Variants in RASSF8 observed in about 807,000 individuals in gnomAD.
The protein encoded by RASSF8 is ras association domain-containing protein 8.
A neutral mutation model predicts 48.5 loss-of-function variants in RASSF8; 22 were observed. That is an observed-to-expected ratio of 0.45 (90% CI 0.32 to 0.65). The LOEUF (loss-of-function observed/expected upper bound fraction) is 0.65. Ranked by LOEUF, RASSF8 falls within the 30% of genes least tolerant of loss-of-function variation. The pLI is 0.03. For missense variants in RASSF8, 418 were observed against 489.2 expected (o/e 0.85, Z 1.37); for synonymous variants, 127 against 171.5 (o/e 0.74, Z 2.03).
intron 2 of RASSF8, among the ~76,000 whole-genome samples, chr12:26,002,160 C>G (rs7960541): frequency 0.053 from 8,043 of 152,320 alleles, 262 homozygotes; most frequent in Middle Eastern, 0.095. Flanking sequence ...TGGTTGGGCA[C>G]AGTGGCTTAT....
chr12:25,974,069 C>T (rs897948212), intron 1 of RASSF8, among the ~76,000 whole-genome samples: 1 of 151,804 alleles, frequency 6.6e-6, no homozygotes, highest in Admixed American at 6.6e-5. Flanking sequence ...CAAGTGTTGG[C>T]TAAGGTCTCA....
intron 2 of RASSF8, among the ~76,000 whole-genome samples, chr12:26,019,559 T>A (rs966265695): frequency 7.1e-6 from 1 of 141,638 alleles, no homozygotes; most frequent in African/African-American, 2.7e-5. Flanking sequence ...AGTTCGGGCA[T>A]ACACTGTGTG....
intron 1 of RASSF8, among the ~76,000 whole-genome samples, chr12:25,975,516 G>A (rs901632558): frequency 1.3e-5 from 2 of 152,204 alleles, no homozygotes; most frequent in African/African-American, 4.8e-5. Context: ...ACTGCTCAGT[G>A]TCTTCCAGTG....
chr12:26,024,625 A>G (rs1469198589), intron 2 of RASSF8, among the ~76,000 whole-genome samples: 2 of 152,172 alleles, frequency 1.3e-5, no homozygotes, highest in Admixed American at 6.5e-5. Flanking sequence ...ACCAAGTGAG[A>G]TTTTTCCTAG....
chr12:26,038,195 T>G (rs905417584), intron 2 of RASSF8, among the ~76,000 whole-genome samples: 3 of 152,180 alleles, frequency 2.0e-5, no homozygotes, highest in African/African-American at 7.2e-5. Context: ...GTACTTTTAT[T>G]CTTAGAGTGA....
intron 3 of RASSF8, among the ~76,000 whole-genome samples, chr12:26,062,104 G>A (rs1209530313): frequency 6.6e-6 from 1 of 152,178 alleles, no homozygotes; most frequent in Non-Finnish European, 1.5e-5. Context: ...TGATAGAATT[G>A]GAAAGAACTC....
rs10842661 is a variant in RASSF8 at position 26,070,933 on chromosome 12, A to T, written c.*2115A>T. ...AACCTAATAACTTTAAGTAAGGACA[A>T]GCAGCATCCTAGCAACTTGTAGTAG... is the stretch of plus-strand genomic sequence containing the variant. On this transcript the variant is annotated 3_prime_UTR_variant, in exon 6 of 6. Coordinates refer to ENST00000689635, the MANE Select transcript of RASSF8 (RefSeq NM_001394098.1). The T allele has an allele frequency of 0.23, 225,145 of 983,320 alleles. 26,196 individuals carry two copies. Among genetic ancestry groups the T allele is most frequent in the Middle Eastern group, 0.28 (540 of 1,910 alleles). 60.9% of individuals were successfully genotyped at this position (983,320 alleles called of 1,614,324 possible).
chr12:26,055,329 A>G lies in RASSF8; in HGVS notation c.-15A>G. 6.2e-7 allele frequency: 1 copy of G among 1,609,826 alleles called. No homozygotes were observed. The highest frequency in any genetic ancestry group is 8.5e-7 in the Non-Finnish European group (1 of 1,176,162). ...TGACCACTCTCAGGGACCTTGAGTG[A>G]CTGGCCGGTGCACCATGGAACTTAA... is the stretch of plus-strand genomic sequence containing the variant. On this transcript the variant is annotated 5_prime_UTR_variant, in exon 3 of 6. It removes the in-frame stop codon of an upstream open reading frame in the 5' UTR. Coordinates refer to ENST00000689635, the MANE Select transcript of RASSF8 (RefSeq NM_001394098.1).
chr12:25,971,570 G>GA (rs139868434), intron 1 of RASSF8, among the ~76,000 whole-genome samples: 23 of 149,106 alleles, frequency 1.5e-4, no homozygotes, highest in East Asian at 3.9e-4. Flanking sequence ...ATTTCATATG[G>GA]AAAAAAAAGA....
chr12:26,071,005 C>T lies in RASSF8; in HGVS notation c.*2187C>T, dbSNP rs1943987774. The T allele has an allele frequency of 1.0e-6, 1 of 985,204 alleles. No homozygotes were observed. 61.0% of individuals were successfully genotyped at this position (985,204 alleles called of 1,614,324 possible). A position where few individuals can be genotyped will look rare whatever the true frequency, so the allele number is the denominator to read the frequency against. On this transcript the variant is annotated 3_prime_UTR_variant, in exon 6 of 6. Coordinates refer to ENST00000689635, the MANE Select transcript of RASSF8 (RefSeq NM_001394098.1). ...TCACAGTTAACCTCTCTGACAACTTCATCAGAATTTCCAAGCTGCCAAATA... is the reference window on the plus strand; with the variant it reads ...TCACAGTTAACCTCTCTGACAACTTTATCAGAATTTCCAAGCTGCCAAATA...
intron 1 of RASSF8, among the ~76,000 whole-genome samples, chr12:25,986,923 T>TCTG (rs1941894267): frequency 3.4e-5 from 1 of 29,608 alleles, no homozygotes; most frequent in Non-Finnish European, 9.3e-5. Flanking sequence ...TACCGTTTTT[T>TCTG]TTTTTTGTTT....
In RASSF8 at chr12:26,069,999, A is replaced by C; in HGVS notation, c.*1181A>C. ...ATATGTTATTTTATTTGTAAAACCAAATATGACTCAACACCTTTTTGATGA... is the reference window on the plus strand; with the variant it reads ...ATATGTTATTTTATTTGTAAAACCACATATGACTCAACACCTTTTTGATGA... On this transcript the variant is annotated 3_prime_UTR_variant, in exon 6 of 6. Coordinates refer to ENST00000689635, the MANE Select transcript of RASSF8 (RefSeq NM_001394098.1). 3.1e-6 allele frequency: 3 copies of C among 975,992 alleles called. No individual in the cohort carries two copies. Among genetic ancestry groups the C allele is most frequent in the Non-Finnish European group, 3.7e-6 (3 of 821,300 alleles). 60.5% of individuals were successfully genotyped at this position (975,992 alleles called of 1,614,324 possible).
intron 2 of RASSF8, among the ~76,000 whole-genome samples, chr12:26,038,631 A>ACACACG (rs1453173696): frequency 6.6e-6 from 1 of 151,376 alleles, no homozygotes; most frequent in Non-Finnish European, 1.5e-5. Context: ...ACACACACAC[A>ACACACG]CACACACACA....
chr12:26,075,403 A>C (rs149234348), downstream of RASSF8, among the ~76,000 whole-genome samples: 6 of 152,290 alleles, frequency 3.9e-5, no homozygotes, highest in African/African-American at 1.4e-4. Flanking sequence ...CTTTTTATAG[A>C]GTGTTTTTGC....
At position 26,070,636 on chromosome 12, in the gene RASSF8, A is replaced by G. The variant is rs1943979206; in HGVS notation, c.*1818A>G. On this transcript the variant is annotated 3_prime_UTR_variant, in exon 6 of 6. Transcript: ENST00000689635. ...AATTAGGATGATTAAAAAATAATTT[A>G]TAGATTTTGTGACAGTAATGATTTA... The G allele has an allele frequency of 3.1e-6, 3 of 952,446 alleles. No individual in the cohort carries two copies. Among genetic ancestry groups the G allele is most frequent in the South Asian group, 9.7e-5 (2 of 20,572 alleles). 59.0% of individuals were successfully genotyped at this position (952,446 alleles called of 1,614,324 possible).
intron 2 of RASSF8, among the ~76,000 whole-genome samples, chr12:26,051,385 T>C (rs973796686): frequency 2.6e-5 from 4 of 152,208 alleles, no homozygotes; most frequent in Non-Finnish European, 5.9e-5. Context: ...CTTATTCAAT[T>C]TAATAATGAA....
intron 1 of RASSF8, among the ~76,000 whole-genome samples, chr12:25,976,672 G>A (rs912594771): frequency 1.3e-5 from 2 of 152,128 alleles, no homozygotes; most frequent in African/African-American, 4.8e-5. Context: ...GTGTACTTTC[G>A]TTTTCAGTAA....
intron 2 of RASSF8, among the ~76,000 whole-genome samples, chr12:26,038,850 A>G (rs1009854269): frequency 6.6e-6 from 1 of 152,166 alleles, no homozygotes; most frequent in Non-Finnish European, 1.5e-5. Flanking sequence ...AATCCTTCCT[A>G]TCATTCAGGT....
rs1020925195 is a variant in RASSF8, at chr12:26,069,084, G to A, written c.*266G>A. The A allele has an allele frequency of 8.9e-7, 1 of 1,128,774 alleles. No homozygotes were observed. Among genetic ancestry groups the A allele is most frequent in the Non-Finnish European group, 1.1e-6 (1 of 917,934 alleles). The allele number at this position is 1,128,774 out of a possible 1,614,324, so 69.9% of individuals were successfully genotyped here. A position where few individuals can be genotyped will look rare whatever the true frequency, so the allele number is the denominator to read the frequency against. On this transcript the variant is annotated 3_prime_UTR_variant, in exon 6 of 6. Coordinates refer to ENST00000689635, the MANE Select transcript of RASSF8 (RefSeq NM_001394098.1). ...CGTTTTTATTTGTAGCATTTTGAGAGCTTTAGGAAAGTATTATATAGTGTG... is the reference window on the plus strand; with the variant it reads ...CGTTTTTATTTGTAGCATTTTGAGAACTTTAGGAAAGTATTATATAGTGTG...
Sources: gnomAD v4.1 joint callset for allele counts (sites outside exome capture counted in the v4.1 genomes callset) on GRCh38, gnomAD v4.1.1 for gene constraint, MANE v1.5 for transcripts, NCBI Gene and HGNC (gene_info 2026-07-23, HGNC 2026-07-21) for gene names.